LHFPL6: variants seen among roughly 807,000 people sequenced by gnomAD.
LHFPL6 encodes LHFPL tetraspan subfamily member 6 protein.
LHFPL6 carries 9 observed loss-of-function variants against 20.6 expected under a neutral mutation model. The ratio of observed to expected loss-of-function variants is 0.44; its 90% CI spans 0.26 to 0.76. LHFPL6 has a LOEUF of 0.76. Among genes scored for constraint, LHFPL6 ranks in the 30% least tolerant of loss-of-function variants. The pLI, the probability that LHFPL6 is intolerant of heterozygous loss-of-function variation, is 0.20. For missense variants in LHFPL6, 218 were observed against 253.5 expected (o/e 0.86, Z 0.95); for synonymous variants, 105 against 98.7 (o/e 1.06, Z -0.38).
intron 2 of LHFPL6, among the ~76,000 whole-genome samples, chr13:39,443,497 A>T (rs1309473389): frequency 6.6e-6 from 1 of 152,170 alleles, no homozygotes; most frequent in Non-Finnish European, 1.5e-5. Flanking sequence ...TAGAGGCTGG[A>T]AAAATTTGGA....
intron 2 of LHFPL6, among the ~76,000 whole-genome samples, chr13:39,382,519 A>T (rs1870469804): frequency 6.6e-6 from 1 of 151,998 alleles, no homozygotes; most frequent in South Asian, 2.1e-4. Context: ...CCTCCTGGGT[A>T]GCTGGGATTA....
chr13:39,509,604 T>C (rs1869616510), intron 2 of LHFPL6, among the ~76,000 whole-genome samples: 1 of 152,208 alleles, frequency 6.6e-6, no homozygotes, highest in African/African-American at 2.4e-5. Flanking sequence ...TTTCTTCTAT[T>C]CCAGTATTAT....
intron 2 of LHFPL6, among the ~76,000 whole-genome samples, chr13:39,577,100 G>GA (rs1255784848): frequency 6.6e-6 from 1 of 152,034 alleles, no homozygotes; most frequent in East Asian, 1.9e-4. Context: ...AAAATGAAAA[G>GA]AAAAAACAAA....
At chr13:39,575,855 C>T (rs1051059614) in intron 2 of LHFPL6, among the ~76,000 whole-genome samples, 9 of 152,152 alleles carry the variant, frequency 5.9e-5, no homozygotes, top group Admixed American at 2.0e-4. Flanking sequence ...TTCAGATTGA[C>T]GTTCAGCAGC....
intron 2 of LHFPL6, among the ~76,000 whole-genome samples, chr13:39,556,480 G>T (rs1871308229): frequency 1.3e-5 from 2 of 152,196 alleles, no homozygotes; most frequent in Admixed American, 1.3e-4. Flanking sequence ...CCCTGGCGAA[G>T]AACTTGGCTG....
At chr13:39,438,656 C>T (rs1225029082) in intron 2 of LHFPL6, among the ~76,000 whole-genome samples, 1 of 152,258 alleles carries the variant, frequency 6.6e-6, no homozygotes, top group African/African-American at 2.4e-5. Context: ...CAGGGCCTCA[C>T]TGCCCTCTGC....
Position 39,600,815 on chromosome 13 carries a change from C to T in LHFPL6, c.385+17G>A. 1 of 1,468,474 alleles carries T rather than the reference C, an allele frequency of 6.8e-7. No homozygotes were observed. Among genetic ancestry groups the T allele is most frequent in the Non-Finnish European group, 9.0e-7 (1 of 1,105,346 alleles). The allele number at this position is 1,468,474 out of a possible 1,614,324, so 91.0% of individuals were successfully genotyped here. On this transcript the variant is annotated intron_variant, in intron 2 of 3. Coordinates refer to ENST00000379589, the MANE Select transcript of LHFPL6 (RefSeq NM_005780.3). ...TTGGGATTCCAGTAAACAACTCAAG[C>T]TCAGCAAGTCACTTACCCCCAAGAA... is the stretch of plus-strand genomic sequence containing the variant.
intron 2 of LHFPL6, among the ~76,000 whole-genome samples, chr13:39,494,860 T>C (rs927153126): frequency 2.6e-5 from 4 of 152,234 alleles, no homozygotes; most frequent in Admixed American, 6.5e-5. Flanking sequence ...GGCATTCCTT[T>C]TCAAATTAAT....
At chr13:39,486,096 T>G (rs554869329) in intron 2 of LHFPL6, among the ~76,000 whole-genome samples, 1 of 152,098 alleles carries the variant, frequency 6.6e-6, no homozygotes, top group East Asian at 1.9e-4. Context: ...CCAAACCCAC[T>G]CCACACAGTT....
chr13:39,412,595 G>C (rs992867998), intron 2 of LHFPL6, among the ~76,000 whole-genome samples: 35 of 152,296 alleles, frequency 2.3e-4, no homozygotes, highest in African/African-American at 7.7e-4. Context: ...TTATAAAGAA[G>C]AAACTGAAGT....
At chr13:39,513,073 A>G (rs1869781082) in intron 2 of LHFPL6, among the ~76,000 whole-genome samples, 1 of 152,264 alleles carries the variant, frequency 6.6e-6, no homozygotes, top group South Asian at 2.1e-4. Flanking sequence ...GTCCTTTGGA[A>G]GCATCAAATG....
At chr13:39,539,290 T>A (rs1456213868) in intron 2 of LHFPL6, among the ~76,000 whole-genome samples, 1 of 151,968 alleles carries the variant, frequency 6.6e-6, no homozygotes, top group Non-Finnish European at 1.5e-5. Context: ...CTTTTCTCTA[T>A]CATGTGACTT....
At chr13:39,440,786 C>T (rs141421032) in intron 2 of LHFPL6, among the ~76,000 whole-genome samples, 166 of 152,230 alleles carry the variant, frequency 1.1e-3, no homozygotes, top group African/African-American at 3.8e-3. Flanking sequence ...ACAATTCCCA[C>T]GTGTCGTGGG....
intron 2 of LHFPL6, among the ~76,000 whole-genome samples, chr13:39,397,424 G>C (rs1432496277): frequency 6.6e-6 from 1 of 152,214 alleles, no homozygotes; most frequent in Non-Finnish European, 1.5e-5. Context: ...GTCAGACATA[G>C]TTAACCATGC....
intron 3 of LHFPL6, among the ~76,000 whole-genome samples, chr13:39,345,537 A>AAAAAG (rs1593279014): frequency 6.8e-6 from 1 of 146,608 alleles, no homozygotes; most frequent in African/African-American, 2.5e-5. Context: ...AAAAAAAAAA[A>AAAAAG]AAAGAAAGAA....
At chr13:39,473,994 T>C (rs1873013843) in intron 2 of LHFPL6, among the ~76,000 whole-genome samples, 1 of 152,214 alleles carries the variant, frequency 6.6e-6, no homozygotes, top group South Asian at 2.1e-4. Context: ...GTCCTCAATA[T>C]GTTAGGACAG....
intron 2 of LHFPL6, among the ~76,000 whole-genome samples, chr13:39,539,280 C>A (rs1320693869): frequency 6.6e-6 from 1 of 151,816 alleles, no homozygotes; most frequent in Admixed American, 6.6e-5. Flanking sequence ...CACAGCTAGT[C>A]TTTTCTCTAT....
chr13:39,523,005 G>C (rs1870160091), intron 2 of LHFPL6, among the ~76,000 whole-genome samples: 1 of 152,182 alleles, frequency 6.6e-6, no homozygotes, highest in Non-Finnish European at 1.5e-5. Context: ...TCAAATGTAA[G>C]ATGAGGGAAA....
intron 2 of LHFPL6, among the ~76,000 whole-genome samples, chr13:39,500,343 T>A (rs1039868986): frequency 6.6e-6 from 1 of 152,108 alleles, no homozygotes; most frequent in Non-Finnish European, 1.5e-5. Flanking sequence ...GCTGGGACTA[T>A]AGGTGCATGC....
Sources: gnomAD v4.1 joint callset for allele counts (sites outside exome capture counted in the v4.1 genomes callset) on GRCh38, gnomAD v4.1.1 for gene constraint, MANE v1.5 for transcripts, NCBI Gene and HGNC (gene_info 2026-07-23, HGNC 2026-07-21) for gene names.